Variants in PDE6A observed in about 807,000 individuals in gnomAD.
PDE6A encodes rod cGMP-specific 3',5'-cyclic phosphodiesterase subunit alpha.
A neutral mutation model predicts 106.3 loss-of-function variants in PDE6A; 84 were observed. The ratio of observed to expected loss-of-function variants is 0.79; its 90% CI spans 0.66 to 0.95. PDE6A has a LOEUF of 0.95. Ranked by LOEUF, PDE6A falls within the 40% of genes least tolerant of loss-of-function variation. The pLI, the probability that PDE6A is intolerant of heterozygous loss-of-function variation, is 0.00. For synonymous variants in PDE6A, 394 were observed against 386.6 expected, an observed-to-expected ratio of 1.02 and a Z score of -0.23; for missense variants, 1,052 against 1,084.9, an observed-to-expected ratio of 0.97 and a Z score of 0.43.
At chr5:149,864,808 G>C (rs1437386762) in intron 20 of PDE6A, among the ~76,000 whole-genome samples, 2 of 152,200 alleles carry the variant, frequency 1.3e-5, no homozygotes, top group African/African-American at 4.8e-5. Flanking sequence ...CTGCGATCTT[G>C]GGCGGGTCAC....
chr5:149,896,523 G>A (rs1332633675), intron 11 of PDE6A, 21 bp from the exon 12 acceptor site: 1 of 1,614,146 alleles, frequency 6.2e-7, no homozygotes, highest in Non-Finnish European at 8.5e-7. Flanking sequence ...AATAGAGTCA[G>A]GTGATTAGGA....
intron 17 of PDE6A, among the ~76,000 whole-genome samples, chr5:149,873,895 A>G (rs1051989360): frequency 3.9e-5 from 6 of 151,998 alleles, no homozygotes; most frequent in African/African-American, 1.5e-4. Flanking sequence ...AGTCCTAGCT[A>G]CTTAGGAGGC....
At chr5:149,879,106 C>T (rs892984071) in intron 17 of PDE6A, among the ~76,000 whole-genome samples, 1 of 151,924 alleles carries the variant, frequency 6.6e-6, no homozygotes, top group Admixed American at 6.6e-5. Context: ...GAGTCTTGCT[C>T]TGTCACCCAG....
chr5:149,916,207 T>C (rs1214505021), intron 5 of PDE6A, among the ~76,000 whole-genome samples: 1 of 152,216 alleles, frequency 6.6e-6, no homozygotes, highest in African/African-American at 2.4e-5. Flanking sequence ...CTACTTAGTC[T>C]GCATGTATGC....
In PDE6A at chr5:149,859,522, G is replaced by A. The variant is rs2113484341; in HGVS notation, c.*1373C>T. On this transcript the variant is annotated 3_prime_UTR_variant, in exon 22 of 22. Transcript: ENST00000255266. ...AGAGGGAGAAGTCGAGTTGGGATGT[G>A]AGCCCAGCGACAGCCTTAGTGGACC... The A allele has an allele frequency of 6.6e-6, 1 of 152,480 alleles. No homozygotes were observed. Among genetic ancestry groups the A allele is most frequent in the Admixed American group, 6.5e-5 (1 of 15,304 alleles). 9.4% of individuals were successfully genotyped at this position (152,480 alleles called of 1,614,324 possible).
chr5:149,903,147 T>TAAAAAAAAAAAAAAAAAAAAAAAA (rs373566897), intron 8 of PDE6A, among the ~76,000 whole-genome samples: 7 of 90,958 alleles, frequency 7.7e-5, no homozygotes, highest in Non-Finnish European at 1.5e-4. Flanking sequence ...AGACCCTCTC[T>TAAAAAAAAAAAAAAAAAAAAAAAA]AAAAAAAAAA....
rs536378845 is a variant in PDE6A at position 149,873,533 on chromosome 5, C to T, written c.2136-5375G>A. On this transcript the variant is annotated intron_variant, in intron 17 of 21. Coordinates refer to ENST00000255266, the MANE Select transcript of PDE6A (RefSeq NM_000440.3). ...TTTCAATAGAGACAGGGTTTCATCA[C>T]GTTGACCAGGTTGGTCTCAAACTCC... Among the ~76,000 whole-genome samples, 14 of 152,112 alleles carry T rather than the reference C, an allele frequency of 9.2e-5. No individual in the cohort carries two copies. The South Asian group carries it at 2.9e-3, about 32-fold the overall frequency.
At chr5:149,895,513 T>TTGG (rs1196503121) in intron 12 of PDE6A, among the ~76,000 whole-genome samples, 1 of 151,962 alleles carries the variant, frequency 6.6e-6, no homozygotes, top group Non-Finnish European at 1.5e-5. Context: ...GAAGATGTTG[T>TTGG]TGTTGTTGTT....
chr5:149,932,620 T>C, intron 3 of PDE6A: 1 of 1,613,084 alleles, frequency 6.2e-7, no homozygotes, highest in Non-Finnish European at 8.5e-7. Flanking sequence ...CGCTGACTAA[T>C]GCCTTCAGTA....
chr5:149,932,451 GC>G (rs1754064923), intron 3 of PDE6A: 2 of 1,402,212 alleles, frequency 1.4e-6, no homozygotes, highest in Admixed American at 1.7e-5. Flanking sequence ...GTCAAGATCT[GC>G]TGGTCTTGAA....
chr5:149,909,328 T>C (rs1301954662), intron 6 of PDE6A, among the ~76,000 whole-genome samples: 1 of 152,226 alleles, frequency 6.6e-6, no homozygotes, highest in Non-Finnish European at 1.5e-5. Flanking sequence ...AGCCAATTTT[T>C]AAAATTTTTT....
At chr5:149,902,061 A>G (rs1752998125) in intron 8 of PDE6A, among the ~76,000 whole-genome samples, 1 of 152,196 alleles carries the variant, frequency 6.6e-6, no homozygotes, top group Non-Finnish European at 1.5e-5. Context: ...GGAGACAAGG[A>G]TAATAAAAGA....
chr5:149,903,643 C>T lies in PDE6A; in HGVS notation c.1113+5G>A, dbSNP rs539563649. The stretch of plus-strand genomic sequence containing the variant: ...GACTAAGACTGCAAATAAAAAATGA[C>T]TTACCTGAAATGCAAAAAAGTCCTC... On this transcript the variant is annotated splice_donor_5th_base_variant and intron_variant, in intron 8 of 21. Coordinates refer to ENST00000255266, the MANE Select transcript of PDE6A (RefSeq NM_000440.3). 13 of 1,611,368 alleles carry T rather than the reference C, an allele frequency of 8.1e-6. No homozygotes were observed. The East Asian group carries it at 2.2e-4, about 28-fold the overall frequency.
chr5:149,898,577 A>G, intron 9 of PDE6A, 71 bp from the exon 10 acceptor site: 1 of 1,492,444 alleles, frequency 6.7e-7, no homozygotes, highest in Non-Finnish European at 9.2e-7. Flanking sequence ...AACTCATAGC[A>G]AGAGTCTCTA....
intron 20 of PDE6A, among the ~76,000 whole-genome samples, chr5:149,865,277 G>A (rs1164692505): frequency 2.0e-5 from 3 of 151,398 alleles, no homozygotes; most frequent in Non-Finnish European, 2.9e-5. Context: ...GGATGTGGTG[G>A]TGTGCACCTG....
intron 14 of PDE6A, among the ~76,000 whole-genome samples, chr5:149,885,654 G>A (rs532462557): frequency 1.6e-4 from 24 of 152,310 alleles, no homozygotes; most frequent in Admixed American, 8.5e-4. Flanking sequence ...GGTAGGACAA[G>A]GAAGGAGACA....
intron 6 of PDE6A, among the ~76,000 whole-genome samples, chr5:149,911,869 A>G (rs1282930332): frequency 7.7e-6 from 1 of 129,690 alleles, no homozygotes; most frequent in Non-Finnish European, 1.7e-5. Flanking sequence ...AAAAAAAATT[A>G]TTGGCCAGGC....
At chr5:149,878,542 G>C (rs1760821089) in intron 17 of PDE6A, among the ~76,000 whole-genome samples, 1 of 152,202 alleles carries the variant, frequency 6.6e-6, no homozygotes, top group Non-Finnish European at 1.5e-5. Context: ...CTGGAAGTGG[G>C]ATTGCTGAGT....
intron 13 of PDE6A, among the ~76,000 whole-genome samples, chr5:149,889,869 T>G (rs1464106469): frequency 7.1e-6 from 1 of 141,518 alleles, no homozygotes; most frequent in Non-Finnish European, 1.5e-5. Flanking sequence ...ATCATGCCAC[T>G]GCACTCCAGC....
Sources: allele counts gnomAD v4.1 joint callset (sites outside exome capture counted in the v4.1 genomes callset), GRCh38; gene constraint gnomAD v4.1.1; transcripts MANE v1.5; gene names NCBI Gene and HGNC (gene_info 2026-07-23, HGNC 2026-07-21).